SPATA6: variants seen among roughly 807,000 people sequenced by gnomAD.
The protein encoded by SPATA6 is spermatogenesis associated 6.
A neutral mutation model predicts 65.3 loss-of-function variants in SPATA6; 56 were observed. The ratio of observed to expected loss-of-function variants is 0.86; its 90% CI spans 0.69 to 1.07. The LOEUF is 1.07. SPATA6 is among the 50% of genes least tolerant of loss of function. The pLI, the probability that SPATA6 is intolerant of heterozygous loss-of-function variation, is 0.00. For missense variants in SPATA6, 590 were observed against 594.8 expected (o/e 0.99, Z 0.08); for synonymous variants, 199 against 213.2 (o/e 0.93, Z 0.58).
chr1:48,353,689 A>T (rs1265928997), intron 11 of SPATA6, among the ~76,000 whole-genome samples: 1 of 151,982 alleles, frequency 6.6e-6, no homozygotes, highest in Non-Finnish European at 1.5e-5. Context: ...GAGAACCAGA[A>T]TGTAAAATAA....
At chr1:48,358,712 G>A (rs182090485) in intron 10 of SPATA6, among the ~76,000 whole-genome samples, 2 of 152,176 alleles carry the variant, frequency 1.3e-5, no homozygotes, top group East Asian at 1.9e-4. Context: ...CTATGTTAAC[G>A]ATTCCATGAT....
intron 9 of SPATA6, among the ~76,000 whole-genome samples, chr1:48,378,526 G>A (rs550719200): frequency 5.3e-5 from 8 of 152,232 alleles, no homozygotes; most frequent in African/African-American, 1.4e-4. Context: ...AGTTCCACAC[G>A]GCTGGGGAGG....
intron 10 of SPATA6, among the ~76,000 whole-genome samples, chr1:48,357,466 T>C (rs1238231251): frequency 6.6e-6 from 1 of 152,036 alleles, no homozygotes; most frequent in East Asian, 1.9e-4. Flanking sequence ...GATTAAGGAG[T>C]CAGCATTTTA....
chr1:48,306,800 AATG>A (rs911355331), intron 11 of SPATA6, among the ~76,000 whole-genome samples: 2 of 151,940 alleles, frequency 1.3e-5, no homozygotes, highest in African/African-American at 4.8e-5. Flanking sequence ...GTGTGCAATA[AATG>A]ATAGAGCTTG....
chr1:48,426,224 T>A (rs1570537229), intron 3 of SPATA6, among the ~76,000 whole-genome samples: 1 of 152,036 alleles, frequency 6.6e-6, no homozygotes, highest in African/African-American at 2.4e-5. Flanking sequence ...GGAAAGATAA[T>A]CCCTAAACAG....
chr1:48,438,924 C>T (rs1655197163), intron 3 of SPATA6, among the ~76,000 whole-genome samples: 1 of 152,192 alleles, frequency 6.6e-6, no homozygotes, highest in African/African-American at 2.4e-5. Flanking sequence ...CTTCCTCAGA[C>T]TAGCAGGCCT....
chr1:48,290,102 AG>A, the SPATA6 span, among the ~76,000 whole-genome samples: 1 of 152,354 alleles, frequency 6.6e-6, no homozygotes, highest in African/African-American at 2.4e-5. Flanking sequence ...AGCCAGAGAA[AG>A]GTTGGGTTAC....
intron 8 of SPATA6, among the ~76,000 whole-genome samples, chr1:48,388,178 C>T (rs1272934118): frequency 6.6e-6 from 1 of 152,052 alleles, no homozygotes; most frequent in East Asian, 1.9e-4. Flanking sequence ...ACACAGCCTC[C>T]ACTAGTAATT....
chr1:48,371,306 GATAGATA>G (rs1647262886), intron 9 of SPATA6, among the ~76,000 whole-genome samples: 1 of 150,206 alleles, frequency 6.7e-6, no homozygotes, highest in African/African-American at 2.5e-5. Context: ...TAGATAGATA[GATAGATA>G]GATATTCAAA....
intron 8 of SPATA6, among the ~76,000 whole-genome samples, chr1:48,393,535 A>T (rs994744143): frequency 1.1e-4 from 16 of 152,172 alleles, no homozygotes; most frequent in Non-Finnish European, 2.2e-4. Flanking sequence ...ACAACTGGCA[A>T]AATCTGATTT....
In SPATA6 at chr1:48,444,061, A is replaced by G. The variant is rs193234544; in HGVS notation, c.238+7491T>C. On this transcript the variant is annotated intron_variant, in intron 3 of 12. Coordinates refer to ENST00000371847, the MANE Select transcript of SPATA6 (RefSeq NM_019073.4). ...TAGAGCAGTCATCGCCCAATTCCCA[A>G]TAGGAGTTGGGTTGTCCTGTTTAGA... Among the ~76,000 whole-genome samples, 34 of 152,244 alleles carry G rather than the reference A, an allele frequency of 2.2e-4. No homozygotes were observed. The East Asian group carries it at 6.6e-3, about 29-fold the overall frequency.
At chr1:48,350,845 T>C (rs1234689499) in intron 11 of SPATA6, among the ~76,000 whole-genome samples, 3 of 151,942 alleles carry the variant, frequency 2.0e-5, no homozygotes, top group African/African-American at 4.8e-5. Context: ...TCGTTTTGAT[T>C]TTTCAAGTTT....
intron 11 of SPATA6, among the ~76,000 whole-genome samples, chr1:48,323,420 G>A (rs567952631): frequency 2.9e-4 from 44 of 151,824 alleles, no homozygotes; most frequent in Admixed American, 1.8e-3. Context: ...ACCTGTCGAG[G>A]GGTGGGGGGC....
intron 7 of SPATA6, among the ~76,000 whole-genome samples, chr1:48,398,303 C>T (rs114376290): frequency 0.036 from 5,488 of 151,222 alleles, 325 homozygotes; most frequent in African/African-American, 0.13. Flanking sequence ...TTAAAAAAAA[C>T]GACTCATAGT....
intron 3 of SPATA6, chr1:48,437,274 C>G (rs1025837743): frequency 6.3e-7 from 1 of 1,580,378 alleles, no homozygotes; most frequent in Non-Finnish European, 8.6e-7. Context: ...CTCCTTGCTG[C>G]TTTTTCTTCT....
intron 9 of SPATA6, among the ~76,000 whole-genome samples, chr1:48,368,348 C>G (rs1424820990): frequency 6.6e-6 from 1 of 152,174 alleles, no homozygotes; most frequent in Non-Finnish European, 1.5e-5. Flanking sequence ...GTCTGCCTTG[C>G]TAGATTGGGG....
chr1:48,441,904 G>A (rs971635687), intron 3 of SPATA6, among the ~76,000 whole-genome samples: 9 of 151,934 alleles, frequency 5.9e-5, no homozygotes, highest in Non-Finnish European at 1.2e-4. Flanking sequence ...TCAGACAACC[G>A]CCTGCTTAGA....
chr1:48,303,410 T>C (rs1644986743), intron 12 of SPATA6, among the ~76,000 whole-genome samples: 1 of 152,070 alleles, frequency 6.6e-6, no homozygotes, highest in Non-Finnish European at 1.5e-5. Context: ...TTAACCAACC[T>C]CTCTTCACCC....
chr1:48,441,814 T>C (rs1244248398), intron 3 of SPATA6, among the ~76,000 whole-genome samples: 1 of 152,112 alleles, frequency 6.6e-6, no homozygotes, highest in Non-Finnish European at 1.5e-5. Context: ...GCTATTAAAA[T>C]AATACAAGGA....
Sources: allele counts gnomAD v4.1 joint callset (sites outside exome capture counted in the v4.1 genomes callset), GRCh38; gene constraint gnomAD v4.1.1; transcripts MANE v1.5; gene names NCBI Gene and HGNC (gene_info 2026-07-23, HGNC 2026-07-21).